Variants in PEBP4 observed in about 807,000 individuals in gnomAD.
PEBP4 encodes phosphatidylethanolamine-binding protein 4.
A neutral mutation model predicts 23.9 loss-of-function variants in PEBP4; 22 were observed. The ratio of observed to expected loss-of-function variants is 0.92; its 90% confidence interval spans 0.66 to 1.31. The LOEUF (loss-of-function observed/expected upper bound fraction) is 1.31. Among genes scored for constraint, PEBP4 ranks in the 40% most tolerant of loss-of-function variants. PEBP4 has a pLI of 0.00. For synonymous variants in PEBP4, 112 were observed against 99.3 expected, an observed-to-expected ratio of 1.13 and a Z score of -0.76; for missense variants, 324 against 281.7, an observed-to-expected ratio of 1.15 and a Z score of -1.07.
intron 1 of PEBP4, among the ~76,000 whole-genome samples, chr8:22,939,160 TC>T (rs1809577977): frequency 6.6e-6 from 1 of 152,202 alleles, no homozygotes. Context: ...AAGAATTACA[TC>T]AAACTTCCCA....
intron 3 of PEBP4, among the ~76,000 whole-genome samples, chr8:22,866,640 G>A (rs1191211872): frequency 6.6e-6 from 1 of 151,784 alleles, no homozygotes; most frequent in African/African-American, 2.4e-5. Context: ...AAGGGGGTGG[G>A]GTGGGGGGAA....
At chr8:22,753,971 T>A (rs1370981142) in intron 4 of PEBP4, among the ~76,000 whole-genome samples, 1 of 152,062 alleles carries the variant, frequency 6.6e-6, no homozygotes, top group Non-Finnish European at 1.5e-5. Flanking sequence ...GGGTGTGGGC[T>A]GAGGGTCCCA....
chr8:22,743,701 C>T (rs902530130), intron 4 of PEBP4, among the ~76,000 whole-genome samples: 1 of 152,162 alleles, frequency 6.6e-6, no homozygotes, highest in Non-Finnish European at 1.5e-5. Context: ...GTGCATCCAC[C>T]CTGATTCTTA....
intron 3 of PEBP4, among the ~76,000 whole-genome samples, chr8:22,910,662 G>A (rs576354745): frequency 5.1e-4 from 77 of 152,334 alleles, no homozygotes; most frequent in South Asian, 3.7e-3. Context: ...GTGCTGGAAC[G>A]GAAGTCAGGA....
Position 22,817,733 on chromosome 8 carries a change from G to A in PEBP4, c.261C>T (p.Gly87=), listed in dbSNP as rs376118303. Residue 87 remains glycine, a splice_region_variant and synonymous_variant, in exon 4 of 7, where the codon GGC becomes GGT. Coordinates refer to ENST00000256404, the MANE Select transcript of PEBP4 (RefSeq NM_144962.3). ...PIVKFPGAVD[G]ATYILVMVDP... ...CCACCATCACCAGGATATAGGTTGC[G>A]CCCTGTAACACATGTACCGAAAAGT... The A allele has an allele frequency of 1.9e-5, 31 of 1,613,714 alleles. No individual in the cohort carries two copies. The highest frequency in any genetic ancestry group is 2.2e-5 in the East Asian group (1 of 44,900).
chr8:22,906,017 A>C (rs535623638), intron 3 of PEBP4, among the ~76,000 whole-genome samples: 21 of 152,172 alleles, frequency 1.4e-4, no homozygotes, highest in Non-Finnish European at 2.6e-4. Flanking sequence ...CAAGATGAAG[A>C]GTTTGAGGCA....
At chr8:22,912,621 C>A (rs1390095988) in intron 3 of PEBP4, among the ~76,000 whole-genome samples, 1 of 152,232 alleles carries the variant, frequency 6.6e-6, no homozygotes. Flanking sequence ...CCCGCTCTAT[C>A]CATCGCCCCA....
chr8:22,748,579 A>AG, intron 4 of PEBP4, among the ~76,000 whole-genome samples: 1 of 149,548 alleles, frequency 6.7e-6, no homozygotes, highest in Non-Finnish European at 1.5e-5. Context: ...CTTCTGTACT[A>AG]GGTTGCACAT....
chr8:22,806,485 T>C (rs1437952908), intron 4 of PEBP4, among the ~76,000 whole-genome samples: 1 of 151,852 alleles, frequency 6.6e-6, no homozygotes, highest in Non-Finnish European at 1.5e-5. Context: ...TGTGGTGGCA[T>C]GTGCATGTAA....
intron 4 of PEBP4, among the ~76,000 whole-genome samples, chr8:22,812,865 C>T (rs771639023): frequency 5.5e-4 from 84 of 152,198 alleles, no homozygotes; most frequent in Non-Finnish European, 5.9e-5. Flanking sequence ...TCTCTAGGGA[C>T]GCTTCTCCTC....
At chr8:22,913,318 G>A (rs1011461898) in intron 3 of PEBP4, among the ~76,000 whole-genome samples, 2 of 152,142 alleles carry the variant, frequency 1.3e-5, no homozygotes, top group African/African-American at 4.8e-5. Context: ...TCTCCCAGCA[G>A]TGGAGCCTGG....
At chr8:22,843,233 G>C (rs1413916171) in intron 3 of PEBP4, among the ~76,000 whole-genome samples, 1 of 152,196 alleles carries the variant, frequency 6.6e-6, no homozygotes, top group Non-Finnish European at 1.5e-5. Context: ...AAAGTGCTGG[G>C]ATTACAGGTG....
chr8:22,862,241 C>T (rs1402211791), intron 3 of PEBP4, among the ~76,000 whole-genome samples: 2 of 152,116 alleles, frequency 1.3e-5, no homozygotes, highest in Non-Finnish European at 2.9e-5. Context: ...CTCTGGATCT[C>T]AGAAAAATTC....
At chr8:22,894,822 G>A (rs1024561809) in intron 3 of PEBP4, among the ~76,000 whole-genome samples, 1 of 152,128 alleles carries the variant, frequency 6.6e-6, no homozygotes, top group Admixed American at 6.5e-5. Context: ...CCCTGTGAAT[G>A]GGGATGCTGA....
Position 22,924,850 on chromosome 8 carries a change from A to G in PEBP4, c.131+2734T>C, listed in dbSNP as rs1007310574. Reference sequence around the variant, plus strand: ...GTCTGGGGTATCTCAGAAGCAGGGAAGGTCTGATTCCCGAGAAGCGTTACT... The same window carrying G: ...GTCTGGGGTATCTCAGAAGCAGGGAGGGTCTGATTCCCGAGAAGCGTTACT... On this transcript the variant is annotated intron_variant, in intron 2 of 6. Transcript: ENST00000256404. 12 of 985,280 alleles carry G rather than the reference A, an allele frequency of 1.2e-5. No individual in the cohort carries two copies. In the African/African-American group the frequency reaches 1.9e-4, roughly 16 times the overall value. 61.0% of individuals were successfully genotyped at this position (985,280 alleles called of 1,614,324 possible).
At chr8:22,816,096 G>C (rs1806734403) in intron 4 of PEBP4, among the ~76,000 whole-genome samples, 1 of 152,222 alleles carries the variant, frequency 6.6e-6, no homozygotes, top group African/African-American at 2.4e-5. Flanking sequence ...CAACGCTCTA[G>C]CCTTGGGGGG....
intron 1 of PEBP4, among the ~76,000 whole-genome samples, chr8:22,936,934 G>C (rs1407928774): frequency 2.0e-5 from 3 of 152,092 alleles, no homozygotes; most frequent in Non-Finnish European, 2.9e-5. Context: ...ACTAGGAAGG[G>C]AAAGAAGCTT....
intron 4 of PEBP4, among the ~76,000 whole-genome samples, chr8:22,783,689 G>GT (rs1805972661): frequency 6.6e-6 from 1 of 152,124 alleles, no homozygotes; most frequent in Admixed American, 6.5e-5. Flanking sequence ...GTTTTGTTTT[G>GT]TTTGAGATGG....
chr8:22,728,543 C>CTTTCTTT (rs1804663557), intron 4 of PEBP4, among the ~76,000 whole-genome samples: 5 of 115,434 alleles, frequency 4.3e-5, no homozygotes, highest in African/African-American at 1.2e-4. Flanking sequence ...TTTCTTCCTT[C>CTTTCTTT]CTTTCTTTCT....
Sources: gnomAD v4.1 joint callset for allele counts (sites outside exome capture counted in the v4.1 genomes callset) on GRCh38, gnomAD v4.1.1 for gene constraint, MANE v1.5 for transcripts, NCBI Gene and HGNC (gene_info 2026-07-23, HGNC 2026-07-21) for gene names.